DNAH7: variants seen among roughly 807,000 people sequenced by gnomAD.
DNAH7 encodes the protein dynein axonemal heavy chain 7.
Under a neutral mutation model 444.6 loss-of-function variants are expected in DNAH7, and 397 were observed. The observed-to-expected ratio is 0.89, with a 90% confidence interval of 0.82 to 0.97. DNAH7 has a LOEUF of 0.97. DNAH7 is among the 50% of genes least tolerant of loss of function. DNAH7 has a pLI of 0.00. For synonymous variants in DNAH7, 1,636 were observed against 1,624.4 expected (o/e 1.01, Z -0.17); for missense variants, 4,902 against 4,800.8 (o/e 1.02, Z -0.62).
chr2:195,912,394 G>C (rs146514273), intron 24 of DNAH7, among the ~76,000 whole-genome samples: 274 of 152,302 alleles, frequency 1.8e-3, no homozygotes, highest in African/African-American at 5.9e-3. Flanking sequence ...GAAACAGAGA[G>C]ATGTGTTCCC....
At chr2:196,010,692 T>C in intron 10 of DNAH7, among the ~76,000 whole-genome samples, 1 of 152,028 alleles carries the variant, frequency 6.6e-6, no homozygotes, top group Non-Finnish European at 1.5e-5. Context: ...AGTGGGTGAA[T>C]AGATAAAGAA....
chr2:196,067,845 G>T (rs1363855208), intron 1 of DNAH7, among the ~76,000 whole-genome samples: 1 of 152,170 alleles, frequency 6.6e-6, no homozygotes, highest in Admixed American at 6.5e-5. Context: ...CTTCCAGGAG[G>T]TTTATAGAGT....
intron 24 of DNAH7, among the ~76,000 whole-genome samples, chr2:195,911,230 G>A (rs181144297): frequency 8.7e-4 from 132 of 152,208 alleles, no homozygotes; most frequent in African/African-American, 2.7e-3. Context: ...TAAATATAAA[G>A]CAATAGACAT....
intron 33 of DNAH7, 98 bp downstream of exon 33, chr2:195,888,160 C>A (rs992700303): frequency 1.2e-5 from 12 of 1,009,298 alleles, no homozygotes; most frequent in Non-Finnish European, 1.7e-5. Context: ...GATTTAATAT[C>A]TCTTAGCTGA....
Position 196,057,791 on chromosome 2 carries a change from C to CTTTATTTGAGTT in DNAH7, c.78+262_78+263insAACTCAAATAAA, listed in dbSNP as rs1697899874. On this transcript the variant is annotated intron_variant, in intron 2 of 64. Coordinates refer to ENST00000312428, the MANE Select transcript of DNAH7 (RefSeq NM_018897.3). Reference sequence around the variant, plus strand: ...CTCAACCGCATTAAACTCAACATACCTAGACAGCAAATTTTATTCTGTAAA... The same window carrying CTTTATTTGAGTT: ...CTCAACCGCATTAAACTCAACATACCTTTATTTGAGTTTAGACAGCAAATTTTATTCTGTAAA... 3.9e-5 allele frequency among the ~76,000 whole-genome samples: 6 copies of CTTTATTTGAGTT among 152,168 alleles called. No individual in the cohort carries two copies. The South Asian group carries it at 1.2e-3, about 32-fold the overall frequency.
chr2:196,020,784 T>C (rs747723193), intron 8 of DNAH7, among the ~76,000 whole-genome samples: 1 of 152,136 alleles, frequency 6.6e-6, no homozygotes, highest in Non-Finnish European at 1.5e-5. Flanking sequence ...CTAACTTTTG[T>C]ATTTTCAGTA....
intron 47 of DNAH7, among the ~76,000 whole-genome samples, chr2:195,841,832 T>C (rs893976254): frequency 5.3e-5 from 8 of 151,984 alleles, no homozygotes; most frequent in Non-Finnish European, 1.5e-5. Flanking sequence ...GTTTTGACAG[T>C]GTGTATTCTT....
chr2:195,971,116 T>G (rs1045701090), intron 16 of DNAH7, among the ~76,000 whole-genome samples: 9 of 151,534 alleles, frequency 5.9e-5, no homozygotes, highest in Admixed American at 5.9e-4. Context: ...AAATGAAGAG[T>G]TTTTTAAGCC....
At chr2:195,912,588 G>A (rs867716595) in intron 24 of DNAH7, among the ~76,000 whole-genome samples, 4 of 152,158 alleles carry the variant, frequency 2.6e-5, no homozygotes, top group Non-Finnish European at 5.9e-5. Flanking sequence ...CGGCCAGCCC[G>A]AGAAGGCATT....
chr2:195,906,994 C>T lies in DNAH7; in HGVS notation c.4120G>A (p.Gly1374Arg), dbSNP rs1472304203. The T allele has an allele frequency of 6.2e-7, 1 of 1,612,196 alleles. No individual in the cohort carries two copies. The highest frequency in any genetic ancestry group is 8.5e-7 in the Non-Finnish European group (1 of 1,179,094). Residue 1374 changes from glycine to arginine, a missense_variant, in exon 26 of 65, where the codon GGA becomes AGA. Transcript: ENST00000312428. ...GKFFKGLLSC[G>R]AWACFDEFNR... is the part of the protein sequence containing the mutation. The stretch of plus-strand genomic sequence containing the variant: ...AACTCATCAAAGCAAGCCCAGGCTC[C>T]ACAAGATAACAGTCCCTATGAGAAA...
chr2:196,064,292 G>A (rs960035277), intron 1 of DNAH7, among the ~76,000 whole-genome samples: 28 of 150,870 alleles, frequency 1.9e-4, no homozygotes, highest in Admixed American at 1.8e-3. Context: ...CTCCAGCCTA[G>A]GTGACAGAGT....
intron 32 of DNAH7, 101 bp from the exon 33 acceptor site, chr2:195,888,535 G>A (rs1014072141): frequency 3.6e-5 from 43 of 1,206,240 alleles, no homozygotes; most frequent in African/African-American, 1.1e-4. Context: ...AGTCTTGGGC[G>A]GGGGGAAGCT....
At chr2:195,758,019 G>A (rs1694168527) in intron 61 of DNAH7, among the ~76,000 whole-genome samples, 1 of 152,232 alleles carries the variant, frequency 6.6e-6, no homozygotes, top group Non-Finnish European at 1.5e-5. Flanking sequence ...GTGAATGCAT[G>A]AATACTGGAT....
intron 19 of DNAH7, among the ~76,000 whole-genome samples, chr2:195,956,368 C>A (rs922298402): frequency 2.0e-5 from 3 of 152,116 alleles, no homozygotes; most frequent in African/African-American, 7.2e-5. Flanking sequence ...TAAATGTATT[C>A]TGCCAGTCAT....
At chr2:195,800,805 A>C (rs1696411190) in intron 54 of DNAH7, among the ~76,000 whole-genome samples, 1 of 152,208 alleles carries the variant, frequency 6.6e-6, no homozygotes, top group African/African-American at 2.4e-5. Context: ...TTACTCATTA[A>C]AAAAGCCTCA....
chr2:196,009,879 T>C (rs973403227), intron 10 of DNAH7, among the ~76,000 whole-genome samples: 7 of 152,112 alleles, frequency 4.6e-5, no homozygotes, highest in Admixed American at 3.9e-4. Flanking sequence ...CAAAATAAAA[T>C]GTACAAATAG....
Position 195,739,429 on chromosome 2 carries a change from A to T in DNAH7, c.11869-1302T>A, listed in dbSNP as rs372862285. On this transcript the variant is annotated intron_variant, in intron 64 of 64. Coordinates refer to ENST00000312428, the MANE Select transcript of DNAH7 (RefSeq NM_018897.3). ...AATCCCACTGCCTATATTTTATCAC[A>T]GCATCCCAGATCTACCCTTCAAATT... 2.6e-5 allele frequency among the ~76,000 whole-genome samples: 4 copies of T among 151,634 alleles called. No homozygotes were observed. The South Asian group carries it at 8.3e-4, about 31-fold the overall frequency.
At chr2:195,888,459 T>G (rs898787710) in intron 32 of DNAH7, 25 bp from the exon 33 acceptor site, 2 of 1,571,246 alleles carry the variant, frequency 1.3e-6, no homozygotes, top group African/African-American at 2.8e-5. Context: ...TTGGTTACCA[T>G]CAAGGTAATA....
intron 48 of DNAH7, among the ~76,000 whole-genome samples, chr2:195,829,317 ATT>A (rs1697947285): frequency 6.6e-6 from 1 of 151,168 alleles, no homozygotes; most frequent in Admixed American, 6.7e-5. Context: ...AAATATGATA[ATT>A]TTGTTTCCTT....
Sources: allele counts gnomAD v4.1 joint callset (sites outside exome capture counted in the v4.1 genomes callset), GRCh38; gene constraint gnomAD v4.1.1; transcripts MANE v1.5; gene names NCBI Gene and HGNC (gene_info 2026-07-23, HGNC 2026-07-21).